PPP1R1C: variants seen among roughly 807,000 people sequenced by gnomAD.
PPP1R1C encodes protein phosphatase 1 regulatory inhibitor subunit 1C.
Under a neutral mutation model 17.4 loss-of-function variants are expected in PPP1R1C, and 15 were observed. The observed-to-expected ratio is 0.86, with a 90% CI of 0.58 to 1.33. The LOEUF (loss-of-function observed/expected upper bound fraction) is 1.33, where lower values mean the gene tolerates loss of function less well. PPP1R1C is among the 40% of genes most tolerant of loss of function. The probability of loss-of-function intolerance (pLI) is 0.00; values close to 1 mark genes in which losing one functional copy is unlikely to be tolerated. For synonymous variants in PPP1R1C, 35 were observed against 43.1 expected (o/e 0.81, Z 0.73); for missense variants, 143 against 130.0 (o/e 1.10, Z -0.48).
chr2:182,037,169 A>G (rs1331994923), intron 2 of PPP1R1C, among the ~76,000 whole-genome samples: 1 of 152,252 alleles, frequency 6.6e-6, no homozygotes, highest in East Asian at 1.9e-4. Flanking sequence ...GATTAAAAAC[A>G]AAAACAAACA....
At chr2:182,124,327 G>GTTTTTTTTTTTTTTTTTT (rs1294464668) in intron 5 of PPP1R1C, among the ~76,000 whole-genome samples, 22 of 83,000 alleles carry the variant, frequency 2.7e-4, no homozygotes, top group South Asian at 3.8e-4. Flanking sequence ...TTTTTTTTTT[G>GTTTTTTTTTTTTTTTTTT]TTTTTTTTTT....
Position 182,097,838 on chromosome 2 carries a change from A to G in PPP1R1C, c.242-19369A>G, listed in dbSNP as rs12994341. ...CAGGTGTACATGAGCAATTTATAAT[A>G]TACTGATCATTTTAAAGAATAAACT... On this transcript the variant is annotated intron_variant, in intron 4 of 4. Transcript: ENST00000682840. Among the ~76,000 whole-genome samples, 1,214 of 152,288 alleles carry G rather than the reference A, an allele frequency of 8.0e-3. 7 individuals are homozygous for G. The highest frequency in any genetic ancestry group is 0.027 in the Middle Eastern group (8 of 294).
Position 182,046,765 on chromosome 2 carries a change from C to G in PPP1R1C, c.143-14677C>G, listed in dbSNP as rs139310147. ...GAAAAAAAAAAAAAAGAAAGAAATA[C>G]GTTGATAATAATTTTAAGTTGGACA... is the stretch of plus-strand genomic sequence containing the variant. On this transcript the variant is annotated intron_variant, in intron 2 of 4. Coordinates refer to ENST00000682840, the MANE Select transcript of PPP1R1C (RefSeq NM_001080545.3). Among the ~76,000 whole-genome samples the G allele has an allele frequency of 3.3e-4, 49 of 150,554 alleles. No individual in the cohort carries two copies. The East Asian group carries it at 8.8e-3, about 27-fold the overall frequency.
At chr2:181,986,991 T>C (rs1685316965) in intron 1 of PPP1R1C, among the ~76,000 whole-genome samples, 1 of 152,206 alleles carries the variant, frequency 6.6e-6, no homozygotes, top group Non-Finnish European at 1.5e-5. Flanking sequence ...AAAATAATTA[T>C]TTAATCCGTG....
At chr2:182,024,626 G>T (rs1686535430) in intron 2 of PPP1R1C, among the ~76,000 whole-genome samples, 1 of 151,974 alleles carries the variant, frequency 6.6e-6, no homozygotes, top group African/African-American at 2.4e-5. Flanking sequence ...GGAGGCCGAG[G>T]TGGGCAGATT....
chr2:182,124,176 A>G (rs920906974), intron 5 of PPP1R1C, among the ~76,000 whole-genome samples: 2 of 151,914 alleles, frequency 1.3e-5, no homozygotes, highest in Non-Finnish European at 2.9e-5. Flanking sequence ...GATGTGTGGC[A>G]TTATTTCTGA....
chr2:181,973,473 C>T (rs1685046512), intron 1 of PPP1R1C, among the ~76,000 whole-genome samples: 1 of 152,106 alleles, frequency 6.6e-6, no homozygotes, highest in South Asian at 2.1e-4. Flanking sequence ...GATGTTAGAA[C>T]TCAGAGAACA....
At chr2:182,004,384 A>G (rs7594388) in intron 2 of PPP1R1C, among the ~76,000 whole-genome samples, 58,774 of 151,978 alleles carry the variant, frequency 0.39, 11,868 homozygotes, top group Non-Finnish European at 0.42. Flanking sequence ...TTCACAATGA[A>G]AGGTGATGGA....
At chr2:181,987,087 A>C (rs773548072) in intron 1 of PPP1R1C, among the ~76,000 whole-genome samples, 1 of 152,212 alleles carries the variant, frequency 6.6e-6, no homozygotes, top group African/African-American at 2.4e-5. Flanking sequence ...ACATGTGTCT[A>C]TCCATGCTGA....
At chr2:182,100,628 A>G (rs981556494) in intron 4 of PPP1R1C, among the ~76,000 whole-genome samples, 9 of 152,146 alleles carry the variant, frequency 5.9e-5, no homozygotes, top group East Asian at 1.9e-4. Flanking sequence ...GGTCACTTCC[A>G]TTATTAAGTG....
chr2:181,996,847 G>T (rs1210176277), intron 2 of PPP1R1C, among the ~76,000 whole-genome samples: 2 of 152,084 alleles, frequency 1.3e-5, no homozygotes, highest in African/African-American at 2.4e-5. Flanking sequence ...AGTTATTTTG[G>T]AATCCAATTT....
intron 2 of PPP1R1C, among the ~76,000 whole-genome samples, chr2:182,015,730 G>T (rs1250160788): frequency 6.6e-6 from 1 of 152,136 alleles, no homozygotes; most frequent in Non-Finnish European, 1.5e-5. Context: ...TGGAATGGGG[G>T]GTCTTAGGGC....
rs567917763 is a variant in PPP1R1C at position 182,053,292 on chromosome 2, G to T, written c.143-8150G>T. On this transcript the variant is annotated intron_variant, in intron 2 of 4. Coordinates refer to ENST00000682840, the MANE Select transcript of PPP1R1C (RefSeq NM_001080545.3). ...GGGTTTATACAATGTACAAATATTTGTTTTATTCACTTTGAGCGAATAGTT... is the reference window on the plus strand; with the variant it reads ...GGGTTTATACAATGTACAAATATTTTTTTTATTCACTTTGAGCGAATAGTT... Among the ~76,000 whole-genome samples the T allele has an allele frequency of 3.9e-5, 6 of 152,206 alleles. No individual in the cohort carries two copies. In the South Asian group the frequency reaches 1.2e-3, roughly 32 times the overall value.
intron 2 of PPP1R1C, among the ~76,000 whole-genome samples, chr2:182,002,935 C>CA (rs1553502177): frequency 1.4e-5 from 2 of 138,838 alleles, no homozygotes; most frequent in African/African-American, 2.6e-5. Context: ...AAACCTCCCC[C>CA]CCCCCACAAC....
intron 2 of PPP1R1C, among the ~76,000 whole-genome samples, chr2:182,030,406 T>C (rs1047906150): frequency 2.6e-5 from 4 of 151,754 alleles, no homozygotes; most frequent in African/African-American, 9.7e-5. Flanking sequence ...GGATGTCCTT[T>C]CTGTTTGTTA....
intron 2 of PPP1R1C, among the ~76,000 whole-genome samples, chr2:182,024,173 A>G (rs1686519580): frequency 6.6e-6 from 1 of 152,244 alleles, no homozygotes; most frequent in Admixed American, 6.5e-5. Flanking sequence ...ATAATTAATG[A>G]TGAAATTCAC....
At chr2:182,128,567 T>C (rs970201959) in intron 5 of PPP1R1C, among the ~76,000 whole-genome samples, 4 of 152,132 alleles carry the variant, frequency 2.6e-5, no homozygotes, top group Non-Finnish European at 4.4e-5. Flanking sequence ...ATGATATCTG[T>C]GTGCTTGTAT....
chr2:181,983,971 T>C (rs1427457253), upstream of PPP1R1C, among the ~76,000 whole-genome samples: 1 of 152,184 alleles, frequency 6.6e-6, no homozygotes, highest in Non-Finnish European at 1.5e-5. Context: ...CTATTCAAAA[T>C]AGGGCAATTA....
chr2:182,116,994 A>G (rs979797802), intron 4 of PPP1R1C, among the ~76,000 whole-genome samples: 3 of 152,138 alleles, frequency 2.0e-5, no homozygotes, highest in African/African-American at 7.2e-5. Flanking sequence ...ATTATGAAAG[A>G]TAGCCTGCCT....
Sources: allele counts gnomAD v4.1 joint callset (sites outside exome capture counted in the v4.1 genomes callset), GRCh38; gene constraint gnomAD v4.1.1; transcripts MANE v1.5; gene names NCBI Gene and HGNC (gene_info 2026-07-23, HGNC 2026-07-21).